The following TSPEAR variants were observed in gnomAD, a reference collection of about 807,000 sequenced individuals.
TSPEAR encodes thrombospondin type laminin G domain and EAR repeats, also known as thrombospondin-type laminin G domain and EAR repeat-containing protein.
In TSPEAR, 69 loss-of-function variants were observed where a neutral mutation model predicts 71.6. The ratio of observed to expected loss-of-function variants is 0.96; its 90% confidence interval spans 0.79 to 1.18. The LOEUF (loss-of-function observed/expected upper bound fraction) is 1.18, where lower values mean the gene tolerates loss of function less well. Ranked by LOEUF, TSPEAR falls within the 50% of genes most tolerant of loss-of-function variation. The pLI is 0.00. For synonymous variants in TSPEAR, 402 were observed against 387.2 expected, an observed-to-expected ratio of 1.04 and a Z score of -0.45; for missense variants, 971 against 894.9, an observed-to-expected ratio of 1.09 and a Z score of -1.09.
At chr21:44,531,162 C>A in intron 3 of TSPEAR, 29 bp from the exon 4 acceptor site, 1 of 1,584,948 alleles carries the variant, frequency 6.3e-7, no homozygotes, top group Non-Finnish European at 8.7e-7. Flanking sequence ...TGTGTTAGGG[C>A]CATAGGAGAG....
At chr21:44,584,770 T>G (rs9975028) in intron 1 of TSPEAR, among the ~76,000 whole-genome samples, 1,745 of 152,328 alleles carry the variant, frequency 0.011, 36 homozygotes, top group African/African-American at 0.04. Context: ...TATACACCTT[T>G]AAAACATCTG....
At chr21:44,540,335 T>C (rs2146005885) in intron 2 of TSPEAR, 2 of 986,942 alleles carry the variant, frequency 2.0e-6, no homozygotes, top group South Asian at 1.7e-5. Context: ...AGAGGTGGCG[T>C]GTGTCATGAC....
chr21:44,652,364 C>T (rs1289076375), intron 1 of TSPEAR, among the ~76,000 whole-genome samples: 9 of 152,174 alleles, frequency 5.9e-5, no homozygotes, highest in Admixed American at 3.9e-4. Flanking sequence ...TGCTCAGGGA[C>T]GTCTGGAACA....
intron 2 of TSPEAR, among the ~76,000 whole-genome samples, chr21:44,544,575 A>C (rs150911799): frequency 1.3e-5 from 2 of 152,372 alleles, no homozygotes; most frequent in East Asian, 3.9e-4. Flanking sequence ...TAATTGGGAG[A>C]GAAATAATGC....
chr21:44,606,370 G>A (rs8134800), intron 1 of TSPEAR, among the ~76,000 whole-genome samples: 6,042 of 152,188 alleles, frequency 0.04, 399 homozygotes, highest in African/African-American at 0.14. Context: ...AGATGAAAGC[G>A]AACAAGTGTT....
At chr21:44,524,697 T>C (rs2052811268) in intron 8 of TSPEAR, among the ~76,000 whole-genome samples, 1 of 151,844 alleles carries the variant, frequency 6.6e-6, no homozygotes, top group African/African-American at 2.4e-5. Context: ...AGTCAGCTAG[T>C]CAGTTAATCA....
At chr21:44,509,762 T>G in intron 9 of TSPEAR, 1 of 262,360 alleles carries the variant, frequency 3.8e-6, no homozygotes. Flanking sequence ...TGCCCAGCCC[T>G]GCCCCTAGCG....
In TSPEAR at chr21:44,687,878, G is replaced by A. The variant is rs575788956; in HGVS notation, c.82+23555C>T. On this transcript the variant is annotated intron_variant, in intron 1 of 11. Transcript: ENST00000323084. This position sits in a 1 kb window ranked among gnomAD's most constrained non-coding sequence, Gnocchi z 4.4. ...AATGGCAGGTTGCTGCAGTGTGTGA[G>A]TGAAGTGTGCGGTTGCTGCACCTTC... Among the ~76,000 whole-genome samples, 4 of 152,322 alleles carry A rather than the reference G, an allele frequency of 2.6e-5. No homozygotes were observed. The East Asian group carries it at 7.7e-4, about 29-fold the overall frequency.
chr21:44,680,820 A>G (rs1555947799), intron 1 of TSPEAR, among the ~76,000 whole-genome samples: 1 of 152,194 alleles, frequency 6.6e-6, no homozygotes, highest in African/African-American at 2.4e-5. Context: ...AGTTGATCTC[A>G]TGGAAGTAGA....
intron 1 of TSPEAR, among the ~76,000 whole-genome samples, chr21:44,652,875 G>C (rs1984894046): frequency 1.3e-5 from 2 of 152,204 alleles, no homozygotes; most frequent in African/African-American, 4.8e-5. Flanking sequence ...AGAGTCTTCT[G>C]GCGGGGTGTG....
chr21:44,556,566 G>T (rs587701694), intron 2 of TSPEAR, among the ~76,000 whole-genome samples: 2 of 152,036 alleles, frequency 1.3e-5, no homozygotes, highest in Admixed American at 1.3e-4. Context: ...GGTGGCCTGC[G>T]CCTGTAATCC....
chr21:44,572,870 C>G (rs587759562), intron 1 of TSPEAR, among the ~76,000 whole-genome samples: 1 of 150,444 alleles, frequency 6.6e-6, no homozygotes, highest in East Asian at 2.0e-4. Flanking sequence ...CACACACACA[C>G]ACACACACAC....
At chr21:44,554,388 T>A (rs1555919484) in intron 2 of TSPEAR, among the ~76,000 whole-genome samples, 1 of 152,174 alleles carries the variant, frequency 6.6e-6, no homozygotes, top group Non-Finnish European at 1.5e-5. Context: ...GGCAATTTGT[T>A]ATAGCAGCCC....
intron 8 of TSPEAR, among the ~76,000 whole-genome samples, chr21:44,524,624 C>T (rs1450827887): frequency 2.6e-5 from 4 of 151,954 alleles, no homozygotes; most frequent in African/African-American, 9.7e-5. Flanking sequence ...ATCAGTCAGT[C>T]AGGTAGTCAG....
chr21:44,612,857 G>A lies in TSPEAR; in HGVS notation c.83-44852C>T, dbSNP rs369426949. On this transcript the variant is annotated intron_variant, in intron 1 of 11. Coordinates refer to ENST00000323084, the MANE Select transcript of TSPEAR (RefSeq NM_144991.3). This position sits in a 1 kb window ranked among gnomAD's most constrained non-coding sequence, Gnocchi z 4.1. ...CTGCCTGTCCTTCCTCTGCCGCCCC[G>A]CGTGCTCCCGCCTGGCCTGCTGAGG... 75 of 1,611,976 alleles carry A rather than the reference G, an allele frequency of 4.7e-5. No homozygotes were observed. Among genetic ancestry groups the A allele is most frequent in the Admixed American group, 8.3e-5 (5 of 59,972 alleles).
chr21:44,624,788 T>C (rs1555934034), intron 1 of TSPEAR, among the ~76,000 whole-genome samples: 3 of 152,230 alleles, frequency 2.0e-5, no homozygotes, highest in African/African-American at 7.2e-5. Flanking sequence ...CTCAGCCTCA[T>C]GGCTGTAGTC....
intron 1 of TSPEAR, among the ~76,000 whole-genome samples, chr21:44,649,087 C>G (rs1555940875): frequency 3.3e-5 from 5 of 152,358 alleles, no homozygotes. Context: ...CGTGAAACCA[C>G]AGGAAACCGC....
chr21:44,706,202 G>C (rs1433422811), intron 1 of TSPEAR, among the ~76,000 whole-genome samples: 4 of 152,214 alleles, frequency 2.6e-5, no homozygotes, highest in Non-Finnish European at 4.4e-5. Flanking sequence ...CTCCCCTGCT[G>C]CAACACCAGG....
At chr21:44,515,300 C>T (rs1472185168) in intron 9 of TSPEAR, among the ~76,000 whole-genome samples, 2 of 152,232 alleles carry the variant, frequency 1.3e-5, no homozygotes, top group East Asian at 1.9e-4. Flanking sequence ...GAGAGGAAGC[C>T]CGTCCATGTG....
Sources: gnomAD v4.1 joint callset for allele counts (sites outside exome capture counted in the v4.1 genomes callset) on GRCh38, gnomAD v4.1.1 for gene constraint, Gnocchi (gnomAD v3.1) non-coding constraint, MANE v1.5 for transcripts, NCBI Gene and HGNC (gene_info 2026-07-23, HGNC 2026-07-21) for gene names.